The following DCLK1 variants were observed in gnomAD, a reference collection of about 807,000 sequenced individuals.
The protein encoded by DCLK1 is doublecortin like kinase 1.
In DCLK1, 16 loss-of-function variants were observed where a neutral mutation model predicts 86.2. That is an observed-to-expected ratio of 0.19 (90% CI 0.13 to 0.28). DCLK1 has a LOEUF of 0.28. Ranked by LOEUF, DCLK1 falls within the 10% of genes least tolerant of loss-of-function variation. The pLI is 1.00. For synonymous variants in DCLK1, 369 were observed against 370.5 expected, an observed-to-expected ratio of 1.00 and a Z score of 0.05; for missense variants, 590 against 940.2, an observed-to-expected ratio of 0.63 and a Z score of 4.87.
intron 3 of DCLK1, among the ~76,000 whole-genome samples, chr13:36,073,545 C>G (rs938464841): frequency 6.6e-6 from 1 of 152,142 alleles, no homozygotes; most frequent in Non-Finnish European, 1.5e-5. Context: ...CTGAAGATAT[C>G]TGACAGATAA....
At chr13:36,067,042 G>A (rs1389983008) in intron 3 of DCLK1, among the ~76,000 whole-genome samples, 2 of 143,024 alleles carry the variant, frequency 1.4e-5, no homozygotes, top group African/African-American at 2.6e-5. Context: ...ATTTGACCCA[G>A]CCATCCCATT....
At chr13:35,853,511 G>T (rs1323972923) in intron 6 of DCLK1, among the ~76,000 whole-genome samples, 1 of 152,192 alleles carries the variant, frequency 6.6e-6, no homozygotes, top group Non-Finnish European at 1.5e-5. Flanking sequence ...TAGACGTCTG[G>T]CAGCCTAAAG....
At chr13:35,939,257 T>C (rs1434482832) in intron 4 of DCLK1, among the ~76,000 whole-genome samples, 3 of 152,096 alleles carry the variant, frequency 2.0e-5, no homozygotes, top group African/African-American at 7.2e-5. Context: ...TCCCAAACCC[T>C]CTATTTCAGA....
At position 35,854,951 on chromosome 13, in the gene DCLK1, A is replaced by C. The variant is rs372027368; in HGVS notation, c.941-358T>G. Among the ~76,000 whole-genome samples the C allele has an allele frequency of 2.2e-3, 338 of 152,310 alleles. 1 individual carries two copies. Among genetic ancestry groups the C allele is most frequent in the African/African-American group, 7.5e-3 (312 of 41,576 alleles). ...TAATCCTTAACTCTTCAGTTTAGCT[A>C]CCTAGTACTACCCAGCAGGAATAAA... On this transcript the variant is annotated intron_variant, in intron 5 of 16. Transcript: ENST00000360631.
intron 3 of DCLK1, among the ~76,000 whole-genome samples, chr13:36,021,991 T>C (rs1378750476): frequency 6.6e-6 from 1 of 152,076 alleles, no homozygotes; most frequent in East Asian, 1.9e-4. Flanking sequence ...GGATAAACCA[T>C]GTATTAAGCC....
At chr13:35,866,623 T>G (rs1241937561) in intron 5 of DCLK1, among the ~76,000 whole-genome samples, 1 of 151,472 alleles carries the variant, frequency 6.6e-6, no homozygotes, top group Admixed American at 6.6e-5. Context: ...TGTATTTTTT[T>G]TTTTTTTTTT....
intron 5 of DCLK1, among the ~76,000 whole-genome samples, chr13:35,866,072 C>T (rs1220455494): frequency 6.6e-6 from 1 of 152,088 alleles, no homozygotes; most frequent in African/African-American, 2.4e-5. Flanking sequence ...CCAGAAGTCC[C>T]CGGTGCCAGC....
At chr13:35,990,797 AT>A (rs35003172) in intron 3 of DCLK1, among the ~76,000 whole-genome samples, 4 of 45,826 alleles carry the variant, frequency 8.7e-5, no homozygotes, top group East Asian at 2.9e-4. Flanking sequence ...CAACGTGGGG[AT>A]TTTTTTTTAA....
At chr13:35,922,544 C>T (rs1327847226) in intron 4 of DCLK1, among the ~76,000 whole-genome samples, 2 of 152,144 alleles carry the variant, frequency 1.3e-5, no homozygotes, top group African/African-American at 4.8e-5. Context: ...TATCTCTGAA[C>T]AAGAATATTG....
chr13:36,038,592 C>A (rs1882591368), intron 3 of DCLK1, among the ~76,000 whole-genome samples: 1 of 152,158 alleles, frequency 6.6e-6, no homozygotes, highest in South Asian at 2.1e-4. Context: ...GCAACTTATG[C>A]ACAACTGATC....
chr13:36,014,085 C>A (rs899394831), intron 3 of DCLK1, among the ~76,000 whole-genome samples: 1 of 152,278 alleles, frequency 6.6e-6, no homozygotes, highest in Non-Finnish European at 1.5e-5. Context: ...GTGCGCGCAC[C>A]CACTGGCCTG....
intron 4 of DCLK1, among the ~76,000 whole-genome samples, chr13:35,881,715 T>C (rs1872914308): frequency 6.6e-6 from 1 of 152,062 alleles, no homozygotes; most frequent in Admixed American, 6.6e-5. Context: ...TGCCACCCTG[T>C]CTCCCTGCCA....
At chr13:35,954,146 G>C (rs541801551) in intron 3 of DCLK1, among the ~76,000 whole-genome samples, 1 of 151,604 alleles carries the variant, frequency 6.6e-6, no homozygotes, top group Admixed American at 6.6e-5. Context: ...AAGATGGCAG[G>C]CTTAAACGTT....
chr13:35,972,922 T>C (rs987835685), intron 3 of DCLK1, among the ~76,000 whole-genome samples: 2 of 152,154 alleles, frequency 1.3e-5, no homozygotes, highest in Non-Finnish European at 2.9e-5. Flanking sequence ...CCAGTCCTCA[T>C]GCTGTACAAA....
intron 3 of DCLK1, among the ~76,000 whole-genome samples, chr13:36,100,215 CA>C (rs1885167988): frequency 1.4e-5 from 1 of 71,902 alleles, no homozygotes; most frequent in Non-Finnish European, 3.0e-5. Context: ...AAAAAAAAAC[CA>C]CACACACACA....
chr13:35,958,048 T>TCACCAC (rs1878128840), intron 3 of DCLK1, among the ~76,000 whole-genome samples: 1 of 11,210 alleles, frequency 8.9e-5, no homozygotes, highest in Non-Finnish European at 1.8e-4. Flanking sequence ...ACCACCACCA[T>TCACCAC]CACCACTATA....
chr13:35,870,578 A>G (rs1872194882), intron 5 of DCLK1, among the ~76,000 whole-genome samples: 1 of 152,224 alleles, frequency 6.6e-6, no homozygotes, highest in African/African-American at 2.4e-5. Context: ...AATTCCCTTT[A>G]ATAACAATAG....
At position 35,939,189 on chromosome 13, in the gene DCLK1, G is replaced by A. The variant is rs1170242997; in HGVS notation, c.823+8169C>T. On this transcript the variant is annotated intron_variant, in intron 4 of 16. Coordinates refer to ENST00000360631, the MANE Select transcript of DCLK1 (RefSeq NM_001330071.2). ...TGGAGGCAAATGGGAACTAGCTGACGAGAGCAAAGCACGTTAGCCAATGTG... is the reference window on the plus strand; with the variant it reads ...TGGAGGCAAATGGGAACTAGCTGACAAGAGCAAAGCACGTTAGCCAATGTG... Among the ~76,000 whole-genome samples, 5 of 152,194 alleles carry A rather than the reference G, an allele frequency of 3.3e-5. No homozygotes were observed. The East Asian group carries it at 5.8e-4, about 18-fold the overall frequency.
At chr13:35,785,092 G>A (rs1471231813) in intron 16 of DCLK1, among the ~76,000 whole-genome samples, 1 of 152,086 alleles carries the variant, frequency 6.6e-6, no homozygotes, top group Non-Finnish European at 1.5e-5. Flanking sequence ...TTTTGTCCTA[G>A]CTCACCTCCC....
Sources: allele counts gnomAD v4.1 joint callset (sites outside exome capture counted in the v4.1 genomes callset), GRCh38; gene constraint gnomAD v4.1.1; transcripts MANE v1.5; gene names NCBI Gene and HGNC (gene_info 2026-07-23, HGNC 2026-07-21).